Variants in KCNMB2 observed in about 807,000 individuals in gnomAD.
The protein encoded by KCNMB2 is potassium calcium-activated channel subfamily M regulatory beta subunit 2, also known as calcium-activated potassium channel subunit beta-2.
KCNMB2 carries 9 observed loss-of-function variants against 24.5 expected under a neutral mutation model. That is an observed-to-expected ratio of 0.37 (90% CI 0.22 to 0.64). The LOEUF (loss-of-function observed/expected upper bound fraction) is 0.64, where lower values mean the gene tolerates loss of function less well. Ranked by LOEUF, KCNMB2 falls within the 30% of genes least tolerant of loss-of-function variation. The probability of loss-of-function intolerance (pLI) is 0.63; values close to 1 mark genes in which losing one functional copy is unlikely to be tolerated. For missense variants in KCNMB2, 226 were observed against 284.3 expected, an observed-to-expected ratio of 0.79 and a Z score of 1.47; for synonymous variants, 109 against 104.4, an observed-to-expected ratio of 1.04 and a Z score of -0.27.
chr3:178,715,345 G>A (rs914585270), intron 1 of KCNMB2, among the ~76,000 whole-genome samples: 15 of 149,084 alleles, frequency 1.0e-4, no homozygotes, highest in African/African-American at 2.5e-4. Context: ...TGTCTTTTTC[G>A]TTGTTGTTTT....
chr3:178,829,207 C>T (rs1030637865), intron 4 of KCNMB2, among the ~76,000 whole-genome samples: 1 of 152,096 alleles, frequency 6.6e-6, no homozygotes, highest in African/African-American at 2.4e-5. Context: ...GCAGAATAAT[C>T]TCATATGCCA....
chr3:178,639,247 C>A (rs1719637142), intron 1 of KCNMB2, among the ~76,000 whole-genome samples: 1 of 152,154 alleles, frequency 6.6e-6, no homozygotes, highest in Admixed American at 6.5e-5. Context: ...TCACAGCAAT[C>A]TGATGAGATC....
intron 4 of KCNMB2, among the ~76,000 whole-genome samples, chr3:178,830,334 T>C (rs2108471516): frequency 6.6e-6 from 1 of 152,268 alleles, no homozygotes; most frequent in South Asian, 2.1e-4. Flanking sequence ...TATGAGTATG[T>C]CTGTTTATTT....
intron 4 of KCNMB2, among the ~76,000 whole-genome samples, chr3:178,839,690 G>C (rs950680032): frequency 6.6e-6 from 1 of 152,144 alleles, no homozygotes; most frequent in Admixed American, 6.5e-5. Context: ...GGGCCAGGGG[G>C]CTGCCAGACA....
chr3:178,705,808 G>A (rs1162459250), intron 1 of KCNMB2, among the ~76,000 whole-genome samples: 2 of 152,134 alleles, frequency 1.3e-5, no homozygotes, highest in Admixed American at 6.6e-5. Context: ...CAAAATTGGA[G>A]TCAAAGCCAT....
intron 1 of KCNMB2, among the ~76,000 whole-genome samples, chr3:178,789,359 C>G (rs957604129): frequency 1.3e-5 from 2 of 152,148 alleles, no homozygotes; most frequent in African/African-American, 2.4e-5. Flanking sequence ...CTAATAGAAC[C>G]CTCCAGCAAT....
At chr3:178,566,572 C>T (rs1437034806) in intron 1 of KCNMB2, among the ~76,000 whole-genome samples, 1 of 134,966 alleles carries the variant, frequency 7.4e-6, no homozygotes, top group African/African-American at 3.1e-5. Flanking sequence ...GCCATTACAT[C>T]CTGTCTCCTT....
At chr3:178,563,847 G>A (rs897714911) in intron 1 of KCNMB2, among the ~76,000 whole-genome samples, 6 of 152,134 alleles carry the variant, frequency 3.9e-5, no homozygotes, top group African/African-American at 1.2e-4. Context: ...CCTTTATGAC[G>A]TTTTGTGAGA....
intron 1 of KCNMB2, among the ~76,000 whole-genome samples, chr3:178,732,352 G>C (rs1003506475): frequency 6.6e-6 from 1 of 152,132 alleles, no homozygotes; most frequent in Non-Finnish European, 1.5e-5. Flanking sequence ...ATCAACACTT[G>C]AAGAACTTTC....
At chr3:178,559,331 T>C (rs1303018900) in intron 1 of KCNMB2, among the ~76,000 whole-genome samples, 2 of 152,116 alleles carry the variant, frequency 1.3e-5, no homozygotes, top group Non-Finnish European at 2.9e-5. Context: ...TGATGTTAAT[T>C]CACAAGTCTC....
At chr3:178,791,473 C>T (rs141893911) in intron 1 of KCNMB2, among the ~76,000 whole-genome samples, 12 of 152,124 alleles carry the variant, frequency 7.9e-5, no homozygotes, top group Non-Finnish European at 1.5e-4. Flanking sequence ...TGAATCACAC[C>T]GACAGGATCT....
chr3:178,818,521 G>A (rs993724490), intron 2 of KCNMB2, among the ~76,000 whole-genome samples: 6 of 152,022 alleles, frequency 3.9e-5, no homozygotes, highest in South Asian at 2.1e-4. Flanking sequence ...GAGAACATGC[G>A]GTGTTTGGTT....
At chr3:178,656,326 G>A (rs928296094) in intron 1 of KCNMB2, among the ~76,000 whole-genome samples, 6 of 152,196 alleles carry the variant, frequency 3.9e-5, no homozygotes, top group African/African-American at 1.4e-4. Context: ...AGGCATTCAT[G>A]CTAACAAACA....
chr3:178,690,419 G>A (rs1268331052), intron 1 of KCNMB2, among the ~76,000 whole-genome samples: 1 of 151,916 alleles, frequency 6.6e-6, no homozygotes, highest in African/African-American at 2.4e-5. Flanking sequence ...ACAATGAACT[G>A]CTGATTTAGG....
chr3:178,622,160 T>A (rs924080954), intron 1 of KCNMB2, among the ~76,000 whole-genome samples: 1 of 152,230 alleles, frequency 6.6e-6, no homozygotes, highest in Non-Finnish European at 1.5e-5. Context: ...TGTAATAAGT[T>A]GTTTAAAACA....
intron 1 of KCNMB2, among the ~76,000 whole-genome samples, chr3:178,582,742 A>G (rs560373167): frequency 1.3e-5 from 2 of 152,248 alleles, no homozygotes; most frequent in Non-Finnish European, 2.9e-5. Flanking sequence ...TCTATTGTCT[A>G]TATCTTTCTT....
In KCNMB2 at chr3:178,645,517, A is replaced by G. The variant is rs191800247; in HGVS notation, c.-68+108806A>G. ...TCCAGGAAGGAAAGGCAGTCAATGA[A>G]GGGGAAAATATCAAGCTAGCTACCT... On this transcript the variant is annotated intron_variant, in intron 1 of 4. Transcript: ENST00000452583. Among the ~76,000 whole-genome samples the G allele has an allele frequency of 5.4e-4, 83 of 152,308 alleles. 1 individual carries two copies. Among genetic ancestry groups the G allele is most frequent in the African/African-American group, 1.9e-3 (81 of 41,554 alleles).
rs368317882 is a variant in KCNMB2, at chr3:178,779,900, A to T, written c.-67-27443A>T. Among the ~76,000 whole-genome samples, 5 of 152,232 alleles carry T rather than the reference A, an allele frequency of 3.3e-5. No homozygotes were observed. In the East Asian group the frequency reaches 7.7e-4, roughly 24 times the overall value. ...AAGTTAAATACTTCTACAAAGAAAA[A>T]CTTTAATTCACCTACTATTTGGTTT... On this transcript the variant is annotated intron_variant, in intron 1 of 4. Transcript: ENST00000452583.
chr3:178,783,272 C>G (rs1320846131), intron 1 of KCNMB2, among the ~76,000 whole-genome samples: 1 of 150,188 alleles, frequency 6.7e-6, no homozygotes, highest in Admixed American at 6.7e-5. Flanking sequence ...CTTGGCAATG[C>G]GGGCTCTTTT....
Sources: allele counts gnomAD v4.1 joint callset (sites outside exome capture counted in the v4.1 genomes callset), GRCh38; gene constraint gnomAD v4.1.1; transcripts MANE v1.5; gene names NCBI Gene and HGNC (gene_info 2026-07-23, HGNC 2026-07-21).